The following SNX8 variants were observed in gnomAD, a reference collection of about 807,000 sequenced individuals.
The protein encoded by SNX8 is sorting nexin 8, also known as sorting nexin-8.
In SNX8, 25 loss-of-function variants were observed where a neutral mutation model predicts 51.6. The observed-to-expected ratio is 0.48, with a 90% CI of 0.35 to 0.68. The LOEUF is 0.68. Ranked by LOEUF, SNX8 falls within the 30% of genes least tolerant of loss-of-function variation. The probability of loss-of-function intolerance (pLI) is 0.00; values close to 1 mark genes in which losing one functional copy is unlikely to be tolerated. For synonymous variants in SNX8, 324 were observed against 277.0 expected (o/e 1.17, Z -1.68); for missense variants, 695 against 624.0 (o/e 1.11, Z -1.21).
At chr7:2,331,574 A>C (rs1778737135) in intron 1 of SNX8, among the ~76,000 whole-genome samples, 1 of 151,472 alleles carries the variant, frequency 6.6e-6, no homozygotes, top group Admixed American at 6.6e-5. Context: ...GCGTGGTGGC[A>C]GGCGGCTGTA....
chr7:2,323,491 C>T (rs1778571634), intron 1 of SNX8, among the ~76,000 whole-genome samples: 1 of 152,072 alleles, frequency 6.6e-6, no homozygotes, highest in African/African-American at 2.4e-5. Flanking sequence ...CTTAAAGTCA[C>T]AAAGGGGTTC....
rs1421218168 is a variant in SNX8, at chr7:2,264,396, G to A, written c.684C>T (p.Ile228=). Residue 228 remains isoleucine (I), a synonymous_variant, in exon 6 of 11, where the codon ATC becomes ATT. Coordinates refer to ENST00000222990, the MANE Select transcript of SNX8 (RefSeq NM_013321.4). ...FAISRELIRN[I]YNSFHKLRDR... ...CGCGAAGCTTGTGAAAGCTATTGTA[G>A]ATGTTCCGGATCAGCTCCCGGCTGA... The A allele has an allele frequency of 6.2e-7, 1 of 1,612,802 alleles. No individual in the cohort carries two copies. Among genetic ancestry groups the A allele is most frequent in the South Asian group, 1.1e-5 (1 of 91,082 alleles).
chr7:2,324,508 C>G (rs1240510405), intron 1 of SNX8, among the ~76,000 whole-genome samples: 1 of 151,956 alleles, frequency 6.6e-6, no homozygotes, highest in Non-Finnish European at 1.5e-5. Context: ...CCAGGGTGGT[C>G]TCGAACTCCT....
chr7:2,297,182 A>G (rs1397217127), intron 1 of SNX8, among the ~76,000 whole-genome samples: 1 of 151,962 alleles, frequency 6.6e-6, no homozygotes, highest in Non-Finnish European at 1.5e-5. Flanking sequence ...GATTTCTCAG[A>G]AAACTAAAGG....
At chr7:2,334,869 GAAAAAAAAAAAA>G (rs71023399) in intron 1 of SNX8, among the ~76,000 whole-genome samples, 15 of 80,108 alleles carry the variant, frequency 1.9e-4, no homozygotes, top group South Asian at 1.2e-3. Context: ...GCCCATCTCT[GAAAAAAAAAAAA>G]AAAAAAAAAA....
chr7:2,298,638 G>A (rs1796325373), intron 1 of SNX8, among the ~76,000 whole-genome samples: 1 of 151,692 alleles, frequency 6.6e-6, no homozygotes, highest in Admixed American at 6.6e-5. Context: ...CCAAAGTGCT[G>A]GGATTACAGG....
At chr7:2,325,229 C>G (rs978731596) in intron 1 of SNX8, among the ~76,000 whole-genome samples, 5 of 152,136 alleles carry the variant, frequency 3.3e-5, no homozygotes, top group African/African-American at 1.2e-4. Flanking sequence ...CAGCATTAAT[C>G]TCCTGGGCTC....
intron 1 of SNX8, among the ~76,000 whole-genome samples, chr7:2,346,921 CAAAA>C (rs758069233): frequency 2.0e-5 from 1 of 49,766 alleles, no homozygotes; most frequent in Non-Finnish European, 5.0e-5. Context: ...GACTCCGTCT[CAAAA>C]AAAAAAAAAA....
intron 1 of SNX8, among the ~76,000 whole-genome samples, chr7:2,301,149 A>G (rs906769994): frequency 6.6e-6 from 1 of 152,360 alleles, no homozygotes; most frequent in East Asian, 1.9e-4. Context: ...AGGTCTGTGC[A>G]ACTATCTCCC....
At chr7:2,311,704 G>A (rs1406913937) in intron 1 of SNX8, among the ~76,000 whole-genome samples, 2 of 152,028 alleles carry the variant, frequency 1.3e-5, no homozygotes, top group African/African-American at 2.4e-5. Context: ...TTGGGAGGCC[G>A]AGGCGGCTAG....
intron 1 of SNX8, among the ~76,000 whole-genome samples, chr7:2,340,805 C>T (rs150080502): frequency 2.0e-4 from 28 of 143,316 alleles, no homozygotes; most frequent in African/African-American, 7.0e-4. Flanking sequence ...TGCAGTGACC[C>T]GAGGTTGCGC....
chr7:2,335,956 A>T (rs1430598224), intron 1 of SNX8, among the ~76,000 whole-genome samples: 2 of 151,956 alleles, frequency 1.3e-5, no homozygotes, highest in Non-Finnish European at 2.9e-5. Flanking sequence ...GCTAAAAATT[A>T]GCTGGGCATG....
intron 5 of SNX8, among the ~76,000 whole-genome samples, chr7:2,266,192 T>C (rs1005738622): frequency 1.3e-5 from 2 of 152,156 alleles, no homozygotes; most frequent in African/African-American, 4.8e-5. Context: ...GTTGTTGTTG[T>C]TGTCGTCTTT....
chr7:2,304,888 C>G lies in SNX8; in HGVS notation c.94+9440G>C, dbSNP rs145469183. Among the ~76,000 whole-genome samples the G allele has an allele frequency of 4.3e-3, 659 of 152,324 alleles. 4 individuals are homozygous for G. Among genetic ancestry groups the G allele is most frequent in the African/African-American group, 0.015 (606 of 41,578 alleles). On this transcript the variant is annotated intron_variant, in intron 1 of 10. Transcript: ENST00000222990. ...CCACCCCCAGCCTGGACTGGAATTT[C>G]TCAGGAGCTGGGAGGTGAAATTTCG... is the stretch of plus-strand genomic sequence containing the variant.
At chr7:2,263,104 G>T in intron 7 of SNX8, 126 bp downstream of exon 7, 2 of 1,166,920 alleles carry the variant, frequency 1.7e-6, no homozygotes, top group Non-Finnish European at 2.4e-6. Context: ...GGCAACAGAG[G>T]GAGACTCCTT....
intron 1 of SNX8, among the ~76,000 whole-genome samples, chr7:2,309,052 G>C (rs143078074): frequency 2.0e-5 from 3 of 151,816 alleles, no homozygotes; most frequent in African/African-American, 4.8e-5. Context: ...GCCTCCCAAA[G>C]TGCTGGGATT....
chr7:2,296,761 T>A (rs954054800), intron 1 of SNX8, among the ~76,000 whole-genome samples: 1 of 151,558 alleles, frequency 6.6e-6, no homozygotes, highest in Non-Finnish European at 1.5e-5. Context: ...TTAAACCCCA[T>A]CTCTACAAAA....
rs1162744711 is a variant in SNX8 at position 2,267,088 on chromosome 7, TGAC to T, written c.621+2468_621+2470del. On this transcript the variant is annotated intron_variant, in intron 5 of 10. Transcript: ENST00000222990. Reference sequence around the variant, plus strand: ...CTTAGAGGCTCGGGGCCTTGGCAAATGACAGCCTCCCTGAGCCTGTTTCTCCAT... The same window carrying T: ...CTTAGAGGCTCGGGGCCTTGGCAAATAGCCTCCCTGAGCCTGTTTCTCCAT... Among the ~76,000 whole-genome samples, 6 of 152,240 alleles carry T rather than the reference TGAC, an allele frequency of 3.9e-5. No homozygotes were observed. The East Asian group carries it at 1.2e-3, about 29-fold the overall frequency.
intron 2 of SNX8, among the ~76,000 whole-genome samples, chr7:2,277,235 G>C (rs1414260204): frequency 1.3e-5 from 2 of 152,356 alleles, no homozygotes; most frequent in Middle Eastern, 6.8e-3. Flanking sequence ...GGGACAGAGA[G>C]AGCCACGGTG....
Sources: allele counts gnomAD v4.1 joint callset (sites outside exome capture counted in the v4.1 genomes callset), GRCh38; gene constraint gnomAD v4.1.1; transcripts MANE v1.5; gene names NCBI Gene and HGNC (gene_info 2026-07-23, HGNC 2026-07-21).